The following WHRN variants were observed in gnomAD, a reference collection of about 807,000 sequenced individuals.
WHRN encodes the protein whirlin.
Under a neutral mutation model 68.3 loss-of-function variants are expected in WHRN, and 41 were observed. The observed-to-expected ratio is 0.60, with a 90% CI of 0.47 to 0.78. WHRN has a LOEUF of 0.78. Ranked by LOEUF, WHRN falls within the 30% of genes least tolerant of loss-of-function variation. The pLI, the probability that WHRN is intolerant of heterozygous loss-of-function variation, is 0.00. For synonymous variants in WHRN, 560 were observed against 561.3 expected (o/e 1.00, Z 0.03); for missense variants, 1,243 against 1,244.7 (o/e 1.00, Z 0.02).
chr9:114,413,046 T>A (rs1054103047), intron 7 of WHRN, among the ~76,000 whole-genome samples: 1 of 152,186 alleles, frequency 6.6e-6, no homozygotes, highest in Non-Finnish European at 1.5e-5. Context: ...CCAACTCCCA[T>A]CCCAAAATGC....
At chr9:114,504,046 T>G in intron 1 of WHRN, 138 bp downstream of exon 1, 1 of 1,275,414 alleles carries the variant, frequency 7.8e-7, no homozygotes, top group Admixed American at 2.9e-5. Flanking sequence ...TACATTCCTG[T>G]TTTAAAGTAT....
At chr9:114,405,072 T>TC (rs1834929257) in intron 9 of WHRN, among the ~76,000 whole-genome samples, 16 of 50,068 alleles carry the variant, frequency 3.2e-4, no homozygotes, top group African/African-American at 9.3e-4. Context: ...CTCTCTCTCT[T>TC]TTTTTTTTTT....
In WHRN at chr9:114,451,984, T is replaced by C. The variant is rs1221111234; in HGVS notation, c.963+14283A>G. ...TAGGCACAGTACTCACTAAGCACCA[T>C]GGTGGGACAGAGGGCGGACTCCCAA... is the stretch of plus-strand genomic sequence containing the variant. On this transcript the variant is annotated intron_variant, in intron 3 of 11. Coordinates refer to ENST00000362057, the MANE Select transcript of WHRN (RefSeq NM_015404.4). 2.0e-5 allele frequency among the ~76,000 whole-genome samples: 3 copies of C among 152,344 alleles called. No individual in the cohort carries two copies. The East Asian group carries it at 5.8e-4, about 29-fold the overall frequency.
rs549584611 is a variant in WHRN, at chr9:114,504,440, G to C, written c.362C>G (p.Pro121Arg). 42 of 1,607,314 alleles carry C rather than the reference G, an allele frequency of 2.6e-5. No individual in the cohort carries two copies. The South Asian group carries it at 3.0e-4, about 11-fold the overall frequency. The change falls in exon 1 of 12, where the codon CCC becomes CGC. Residue 121 changes from proline (P) to arginine (R), a missense_variant. Pro to Arg is a moderately radical substitution (Grantham distance 103, BLOSUM62 -2). Coordinates refer to ENST00000362057, the MANE Select transcript of WHRN (RefSeq NM_015404.4). ...AEGLYLPATT[P>R]YRQPAWGGPD... ...GCCGCCCCAGGCGGGCTGCCTGTAGGGGGTGGTGGCGGGCAGGTAGAGGCC... is the reference window on the plus strand; with the variant it reads ...GCCGCCCCAGGCGGGCTGCCTGTAGCGGGTGGTGGCGGGCAGGTAGAGGCC...
rs149897775 is a variant in WHRN, at chr9:114,403,897, G to A, written c.2417C>T (p.Pro806Leu). The A allele has an allele frequency of 7.6e-5, 122 of 1,610,500 alleles. No individual in the cohort carries two copies. The African/African-American group carries it at 1.4e-3, about 18-fold the overall frequency. Residue 806 changes from proline (P) to leucine (L), a missense_variant and splice_region_variant, in exon 10 of 12, where the codon CCG (proline) becomes CTG (leucine). Pro to Leu is a moderately conservative substitution (Grantham distance 98, BLOSUM62 -3). Coordinates refer to ENST00000362057, the MANE Select transcript of WHRN (RefSeq NM_015404.4). ...NERPTDGANK[P>L]PGLLEPTSTL... ...TGCATCCTCCTCCTCCTGGCTCACC[G>A]GTTTGTTGGCCCCATCTGTGGGCCT...
chr9:114,425,513 G>T, intron 4 of WHRN: 1 of 316,584 alleles, frequency 3.2e-6, no homozygotes, highest in East Asian at 6.8e-5. Flanking sequence ...AGAAAACCTG[G>T]TATCTTTCTA....
At chr9:114,433,712 G>A (rs182000170) in intron 3 of WHRN, among the ~76,000 whole-genome samples, 57 of 152,246 alleles carry the variant, frequency 3.7e-4, no homozygotes, top group African/African-American at 1.3e-3. Context: ...AAAAGATGCA[G>A]GTAATTGCTA....
Position 114,402,911 on chromosome 9 carries a change from C to T in WHRN, c.2567G>A (p.Gly856Glu). ...AATCACGTGGCCCACCTTGAGCTGC[C>T]CACAGTTGTGAGCTGAGCCGCCTCT... ...IQRGGSAHNC[G>E]QLKVGHVILE... The change falls in exon 12 of 12, where the codon GGG becomes GAG. Residue 856 changes from glycine (G) to glutamate (E), a missense_variant. Physicochemically the swap from Gly to Glu is moderately conservative, Grantham distance 98 (BLOSUM62 -2). Transcript: ENST00000362057. 1 of 1,613,160 alleles carries T rather than the reference C, an allele frequency of 6.2e-7. No homozygotes were observed. The highest frequency in any genetic ancestry group is 8.5e-7 in the Non-Finnish European group (1 of 1,179,770).
In WHRN at chr9:114,407,964, G is replaced by A. The variant is rs899962077; in HGVS notation, c.1681C>T (p.Leu561Phe). 1.2e-5 allele frequency: 19 copies of A among 1,603,034 alleles called. No homozygotes were observed. The Admixed American group carries it at 2.9e-4, about 24-fold the overall frequency. The change falls in exon 8 of 12, where the codon CTC becomes TTC. Residue 561 changes from leucine to phenylalanine, a missense_variant. Leu to Phe is a conservative substitution (Grantham distance 22). Coordinates refer to ENST00000362057, the MANE Select transcript of WHRN (RefSeq NM_015404.4). ...GGCCTTACCACGGACACATCTGGGA[G>A]GGCGTTGATATTGCCCTGGACAGCC... The part of the protein sequence containing the change: ...GEAVQGNINA[L>F]PDVSVDDVRS...
intron 5 of WHRN, 71 bp from the exon 6 acceptor site, chr9:114,424,617 C>G: frequency 1.4e-6 from 2 of 1,472,322 alleles, no homozygotes; most frequent in Non-Finnish European, 1.9e-6. Context: ...GCCACTCCCC[C>G]TCTGCCCTTC....
chr9:114,412,553 C>G (rs1835523862), intron 7 of WHRN, among the ~76,000 whole-genome samples: 1 of 152,248 alleles, frequency 6.6e-6, no homozygotes, highest in South Asian at 2.1e-4. Flanking sequence ...AAGCTGAACT[C>G]TATTCAAGGC....
rs1038477778 is a variant in WHRN at position 114,505,434 on chromosome 9, C to A, written c.-633G>T. ...CGCCTCTGCGCCGCCCGGCCGCAAG[C>A]CCGGACTTTGCGAACTGTTGAGCCA... On this transcript the variant is annotated 5_prime_UTR_variant, in exon 1 of 12. Transcript: ENST00000362057. The A allele has an allele frequency of 2.0e-5, 3 of 152,332 alleles. No individual in the cohort carries two copies. The highest frequency in any genetic ancestry group is 7.2e-5 in the African/African-American group (3 of 41,462). The allele number at this position is 152,332 out of a possible 1,614,324, so 9.4% of individuals were successfully genotyped here. A position where few individuals can be genotyped will look rare whatever the true frequency, so the allele number is the denominator to read the frequency against.
chr9:114,425,098 C>T, intron 4 of WHRN, 74 bp from the exon 5 acceptor site: 1 of 1,481,380 alleles, frequency 6.8e-7, no homozygotes, highest in East Asian at 2.3e-5. Flanking sequence ...GACAGGGTGA[C>T]TTGGGGCAGG....
Position 114,406,457 on chromosome 9 carries a change from G to C in WHRN, c.2134C>G (p.Pro712Ala), listed in dbSNP as rs1371436224. ...CLLPPSPSGH[P>A]DQTGTNQHFV... ...TGCTGGTTTGTGCCTGTCTGGTCTGGGTGGCCAGAGGGTGATGGGGGCAGA... is the reference window on the plus strand; with the variant it reads ...TGCTGGTTTGTGCCTGTCTGGTCTGCGTGGCCAGAGGGTGATGGGGGCAGA... Residue 712 changes from proline to alanine, a missense_variant, in exon 9 of 12, where the codon CCA becomes GCA. Physicochemically the swap from Pro to Ala is conservative, Grantham distance 27. Transcript: ENST00000362057. The C allele has an allele frequency of 6.2e-7, 1 of 1,614,080 alleles. No homozygotes were observed. The highest frequency in any genetic ancestry group is 8.5e-7 in the Non-Finnish European group (1 of 1,180,052).
chr9:114,441,496 G>A (rs1443700854), intron 3 of WHRN, among the ~76,000 whole-genome samples: 2 of 152,174 alleles, frequency 1.3e-5, no homozygotes, highest in Non-Finnish European at 2.9e-5. Context: ...ATGGCCTAGT[G>A]GAGAATGGCT....
chr9:114,427,333 T>C (rs1836968090), intron 3 of WHRN, among the ~76,000 whole-genome samples: 1 of 152,104 alleles, frequency 6.6e-6, no homozygotes, highest in Non-Finnish European at 1.5e-5. Flanking sequence ...TAAAAACAAA[T>C]ATGTGACAGA....
At chr9:114,435,611 GGGGTGTCACT>G (rs1394064905) in intron 3 of WHRN, among the ~76,000 whole-genome samples, 1 of 152,208 alleles carries the variant, frequency 6.6e-6, no homozygotes. Context: ...AGGTAGAGGA[GGGGTGTCACT>G]GGTCCAAGGC....
At chr9:114,424,889 A>G in intron 5 of WHRN, 99 bp downstream of exon 5, 1 of 1,312,958 alleles carries the variant, frequency 7.6e-7, no homozygotes, top group South Asian at 1.2e-5. Context: ...CCCAGTTGGA[A>G]TGAGGTAGTG....
chr9:114,489,411 A>G (rs1329699992), intron 1 of WHRN, among the ~76,000 whole-genome samples: 1 of 152,092 alleles, frequency 6.6e-6, no homozygotes, highest in Non-Finnish European at 1.5e-5. Context: ...TAGGGGGCTC[A>G]GAATTCAATT....
Sources: gnomAD v4.1 joint callset for allele counts (sites outside exome capture counted in the v4.1 genomes callset) on GRCh38, gnomAD v4.1.1 for gene constraint, MANE v1.5 for transcripts, NCBI Gene and HGNC (gene_info 2026-07-23, HGNC 2026-07-21) for gene names.